The following CACNA1D variants were observed in gnomAD, a reference collection of about 807,000 sequenced individuals.
The protein encoded by CACNA1D is calcium voltage-gated channel subunit alpha1 D.
Under a neutral mutation model 257.1 loss-of-function variants are expected in CACNA1D, and 55 were observed. The ratio of observed to expected loss-of-function variants is 0.21; its 90% CI spans 0.17 to 0.27. The LOEUF (loss-of-function observed/expected upper bound fraction) is 0.27, where lower values mean the gene tolerates loss of function less well. CACNA1D is among the 10% of genes least tolerant of loss of function. The probability of loss-of-function intolerance (pLI) is 1.00; values close to 1 mark genes in which losing one functional copy is unlikely to be tolerated. For synonymous variants in CACNA1D, 980 were observed against 1,014.9 expected, an observed-to-expected ratio of 0.97 and a Z score of 0.65; for missense variants, 1,876 against 2,784.0, an observed-to-expected ratio of 0.67 and a Z score of 7.34.
intron 3 of CACNA1D, among the ~76,000 whole-genome samples, chr3:53,601,613 T>C (rs1166090486): frequency 1.3e-5 from 2 of 152,222 alleles, no homozygotes; most frequent in Non-Finnish European, 2.9e-5. Context: ...TCTGACCCCA[T>C]GTAGAAAACG....
chr3:53,507,977 A>AC (rs1553708162), intron 3 of CACNA1D, among the ~76,000 whole-genome samples: 4 of 151,838 alleles, frequency 2.6e-5, no homozygotes, highest in Admixed American at 6.5e-5. Flanking sequence ...ACAGCTGGAA[A>AC]GGGGGGGCTG....
Position 53,723,166 on chromosome 3 carries a change from T to G in CACNA1D, c.1667-268T>G, listed in dbSNP as rs2094898785. ...TTATGTGATGAGCTGCCCCTTCCCA[T>G]TTTGTCATCAGTGACACTGAGACCT... On this transcript the variant is annotated intron_variant, in intron 12 of 47. Coordinates refer to ENST00000350061, the MANE Select transcript of CACNA1D (RefSeq NM_001128840.3). This position sits in a 1 kb window ranked among gnomAD's most constrained non-coding sequence, Gnocchi z 5.6. 6.6e-6 allele frequency among the ~76,000 whole-genome samples: 1 copy of G among 152,190 alleles called. No individual in the cohort carries two copies. Among genetic ancestry groups the G allele is most frequent in the East Asian group, 1.9e-4 (1 of 5,196 alleles).
intron 3 of CACNA1D, among the ~76,000 whole-genome samples, chr3:53,538,283 G>A (rs1416869227): frequency 6.6e-6 from 1 of 151,554 alleles, no homozygotes; most frequent in African/African-American, 2.4e-5. Context: ...GAGTACCTGG[G>A]ACTACAGGCG....
At chr3:53,516,183 T>C (rs1052017840) in intron 3 of CACNA1D, among the ~76,000 whole-genome samples, 1 of 152,190 alleles carries the variant, frequency 6.6e-6, no homozygotes, top group African/African-American at 2.4e-5. Flanking sequence ...AGTTAACTGG[T>C]CAAGAATAGT....
chr3:53,666,529 C>G lies in CACNA1D; in HGVS notation c.1110C>G (p.Leu370=). ...CITMEGWTDV[L]YWMNDAMGFE... ...CCATGGAGGGCTGGACAGATGTGCTCTACTGGGTAAGTACCCTGGGGAGAG... is the reference window on the plus strand; with the variant it reads ...CCATGGAGGGCTGGACAGATGTGCTGTACTGGGTAAGTACCCTGGGGAGAG... Residue 370 remains leucine, a synonymous_variant, in exon 7 of 48, where the codon CTC becomes CTG. Coordinates refer to ENST00000350061, the MANE Select transcript of CACNA1D (RefSeq NM_001128840.3). 1 of 1,612,860 alleles carries G rather than the reference C, an allele frequency of 6.2e-7. No individual in the cohort carries two copies. The highest frequency in any genetic ancestry group is 8.5e-7 in the Non-Finnish European group (1 of 1,178,846).
intron 9 of CACNA1D, among the ~76,000 whole-genome samples, chr3:53,708,972 A>C (rs2094721184): frequency 6.6e-6 from 1 of 152,130 alleles, no homozygotes; most frequent in African/African-American, 2.4e-5. Context: ...CTTTTCAATA[A>C]ATTGCCATTA....
At chr3:53,759,245 T>A (rs1219980009) in intron 29 of CACNA1D, among the ~76,000 whole-genome samples, 1 of 152,224 alleles carries the variant, frequency 6.6e-6, no homozygotes, top group Non-Finnish European at 1.5e-5. Flanking sequence ...TAAACGGATT[T>A]TATCCATCAC....
At chr3:53,798,270 T>G (rs1293790188) in intron 40 of CACNA1D, among the ~76,000 whole-genome samples, 1 of 152,126 alleles carries the variant, frequency 6.6e-6, no homozygotes. Context: ...TGTGCTGAAC[T>G]CGTGGATCCT....
At chr3:53,652,263 C>T (rs961020067) in intron 4 of CACNA1D, among the ~76,000 whole-genome samples, 1 of 152,124 alleles carries the variant, frequency 6.6e-6, no homozygotes, top group Non-Finnish European at 1.5e-5. Flanking sequence ...CGTCACCGTG[C>T]TATGATCACC....
chr3:53,776,856 C>G lies in CACNA1D; in HGVS notation c.4491-4C>G, dbSNP rs2095400875. On this transcript the variant is annotated splice_polypyrimidine_tract_variant and splice_region_variant and intron_variant, in intron 36 of 47. Coordinates refer to ENST00000350061, the MANE Select transcript of CACNA1D (RefSeq NM_001128840.3). ...CTGGACCTTAGATTGTATTTTACTT[C>G]CAGGGGAAGGATAAAACACCTTGAT... 3 of 1,613,770 alleles carry G rather than the reference C, an allele frequency of 1.9e-6. No homozygotes were observed. In the East Asian group the frequency reaches 6.7e-5, roughly 36 times the overall value.
rs921596599 is a variant in CACNA1D at position 53,736,188 on chromosome 3, A to C, written c.2751+685A>C. ...GACCTAATCTGTACAAAAAATAAAA[A>C]AAATTAGCTGAGCGTGGTGTCACAT... On this transcript the variant is annotated intron_variant, in intron 20 of 47. Coordinates refer to ENST00000350061, the MANE Select transcript of CACNA1D (RefSeq NM_001128840.3). 5.3e-5 allele frequency among the ~76,000 whole-genome samples: 8 copies of C among 152,216 alleles called. No individual in the cohort carries two copies. The South Asian group carries it at 1.7e-3, about 32-fold the overall frequency.
At chr3:53,516,419 T>G (rs1005548322) in intron 3 of CACNA1D, among the ~76,000 whole-genome samples, 2 of 152,202 alleles carry the variant, frequency 1.3e-5, no homozygotes, top group Non-Finnish European at 2.9e-5. Flanking sequence ...GAGTGTGCCC[T>G]TCCCTTCCCT....
chr3:53,570,334 G>A (rs1002281128), intron 3 of CACNA1D, among the ~76,000 whole-genome samples: 1 of 152,176 alleles, frequency 6.6e-6, no homozygotes, highest in Non-Finnish European at 1.5e-5. Context: ...GCCTTTATAT[G>A]TGCACTGAGC....
At chr3:53,600,473 T>C (rs2093427473) in intron 3 of CACNA1D, among the ~76,000 whole-genome samples, 1 of 152,186 alleles carries the variant, frequency 6.6e-6, no homozygotes, top group African/African-American at 2.4e-5. Context: ...GTAGTTAATA[T>C]TCACAACCCA....
At chr3:53,590,193 G>T (rs1353716753) in intron 3 of CACNA1D, among the ~76,000 whole-genome samples, 1 of 152,196 alleles carries the variant, frequency 6.6e-6, no homozygotes, top group African/African-American at 2.4e-5. Flanking sequence ...TCTGCTTCAT[G>T]AGCTGCCTTC....
At chr3:53,556,963 A>T (rs139740131) in intron 3 of CACNA1D, among the ~76,000 whole-genome samples, 2 of 151,988 alleles carry the variant, frequency 1.3e-5, no homozygotes, top group East Asian at 3.9e-4. Flanking sequence ...TGATCAGCTC[A>T]CCTTGGCCTC....
chr3:53,746,276 G>C (rs575405997), intron 25 of CACNA1D, among the ~76,000 whole-genome samples: 4 of 152,160 alleles, frequency 2.6e-5, no homozygotes, highest in Non-Finnish European at 5.9e-5. Flanking sequence ...CCCCAAATCA[G>C]AATTTGGAAC....
At chr3:53,535,939 T>A (rs937704142) in intron 3 of CACNA1D, among the ~76,000 whole-genome samples, 3 of 152,164 alleles carry the variant, frequency 2.0e-5, no homozygotes, top group African/African-American at 7.2e-5. Context: ...GTGGGGAAGA[T>A]CAAACGAGCT....
chr3:53,652,998 C>G (rs575694635), intron 4 of CACNA1D, among the ~76,000 whole-genome samples: 1 of 152,304 alleles, frequency 6.6e-6, no homozygotes, highest in African/African-American at 2.4e-5. Context: ...TGCCTATAAT[C>G]CCAGCACTTT....
Sources: allele counts gnomAD v4.1 joint callset (sites outside exome capture counted in the v4.1 genomes callset), GRCh38; gene constraint gnomAD v4.1.1; non-coding constraint Gnocchi (gnomAD v3.1); transcripts MANE v1.5; gene names NCBI Gene and HGNC (gene_info 2026-07-23, HGNC 2026-07-21).